BBS9: variants seen among roughly 807,000 people sequenced by gnomAD.
The protein encoded by BBS9 is Bardet-Biedl syndrome 9, also known as protein PTHB1.
In BBS9, 89 loss-of-function variants were observed where a neutral mutation model predicts 117.7. The ratio of observed to expected loss-of-function variants is 0.76; its 90% CI spans 0.64 to 0.90. The LOEUF (loss-of-function observed/expected upper bound fraction) is 0.90, where lower values mean the gene tolerates loss of function less well. BBS9 is among the 40% of genes least tolerant of loss of function. The pLI, the probability that BBS9 is intolerant of heterozygous loss-of-function variation, is 0.00. For missense variants in BBS9, 982 were observed against 1,042.2 expected, an observed-to-expected ratio of 0.94 and a Z score of 0.80; for synonymous variants, 379 against 370.9, an observed-to-expected ratio of 1.02 and a Z score of -0.25.
chr7:33,244,516 G>C (rs1328605527), intron 5 of BBS9, among the ~76,000 whole-genome samples: 1 of 152,054 alleles, frequency 6.6e-6, no homozygotes, highest in Non-Finnish European at 1.5e-5. Flanking sequence ...GATATCCAAG[G>C]TATAAATAAG....
intron 21 of BBS9, among the ~76,000 whole-genome samples, chr7:33,551,169 T>C (rs755140189): frequency 6.6e-6 from 1 of 152,110 alleles, no homozygotes; most frequent in African/African-American, 2.4e-5. Context: ...GTGACTGCAG[T>C]TGTAAAATAA....
rs151330789 is a variant in BBS9, at chr7:33,624,105, G to A, written c.2522-11072G>A. Among the ~76,000 whole-genome samples the A allele has an allele frequency of 5.7e-4, 86 of 152,096 alleles. 1 individual carries two copies. In the East Asian group the frequency reaches 0.016, roughly 28 times the overall value. On this transcript the variant is annotated intron_variant, in intron 21 of 21. Transcript: ENST00000671952. ...TCCCTCATGATTCTGATAAATTTCA[G>A]CCCTTGAGAGAGATGTGCCCAATTT...
At chr7:33,142,789 A>G (rs1003988353) in intron 1 of BBS9, among the ~76,000 whole-genome samples, 2 of 152,124 alleles carry the variant, frequency 1.3e-5, no homozygotes, top group African/African-American at 2.4e-5. Context: ...ATTCCATTGT[A>G]TGGGTATACC....
chr7:33,441,559 G>T (rs984018864), intron 19 of BBS9, among the ~76,000 whole-genome samples: 6 of 152,036 alleles, frequency 3.9e-5, no homozygotes, highest in African/African-American at 1.4e-4. Context: ...TCTTTAGAAT[G>T]TTCTTTCTGA....
At chr7:33,313,865 T>A (rs1250170227) in intron 9 of BBS9, among the ~76,000 whole-genome samples, 1 of 152,160 alleles carries the variant, frequency 6.6e-6, no homozygotes, top group African/African-American at 2.4e-5. Flanking sequence ...TTTAAAAATG[T>A]CTACTCTTGA....
chr7:33,545,864 C>T (rs1853247026), intron 21 of BBS9, among the ~76,000 whole-genome samples: 1 of 149,614 alleles, frequency 6.7e-6, no homozygotes, highest in Non-Finnish European at 1.5e-5. Flanking sequence ...TTTTTCTTTG[C>T]ATATGTGTAC....
intron 21 of BBS9, among the ~76,000 whole-genome samples, chr7:33,618,788 C>G (rs1865267518): frequency 6.6e-6 from 1 of 152,000 alleles, no homozygotes; most frequent in Non-Finnish European, 1.5e-5. Context: ...TTAAAATAGA[C>G]TTATAACTAT....
At chr7:33,557,961 T>A (rs901566283) in intron 21 of BBS9, among the ~76,000 whole-genome samples, 1 of 152,254 alleles carries the variant, frequency 6.6e-6, no homozygotes, top group Non-Finnish European at 1.5e-5. Flanking sequence ...GCCTTGCTAG[T>A]AGCTTACGTA....
At chr7:33,535,733 C>T (rs1391807636) in intron 21 of BBS9, among the ~76,000 whole-genome samples, 2 of 152,014 alleles carry the variant, frequency 1.3e-5, no homozygotes, top group Non-Finnish European at 2.9e-5. Flanking sequence ...GACTCTCCCT[C>T]CCTGCTTGCC....
At chr7:33,214,450 A>G (rs1788653243) in intron 5 of BBS9, among the ~76,000 whole-genome samples, 1 of 152,188 alleles carries the variant, frequency 6.6e-6, no homozygotes, top group African/African-American at 2.4e-5. Flanking sequence ...TGTGATATGA[A>G]GTTAAAACTA....
chr7:33,411,700 A>C (rs754306986), intron 19 of BBS9, among the ~76,000 whole-genome samples: 22 of 152,146 alleles, frequency 1.4e-4, no homozygotes, highest in African/African-American at 5.1e-4. Flanking sequence ...ATATGTAAGA[A>C]TATTTGGGGA....
chr7:33,579,748 A>G (rs1426873287), intron 21 of BBS9, among the ~76,000 whole-genome samples: 1 of 152,132 alleles, frequency 6.6e-6, no homozygotes, highest in Non-Finnish European at 1.5e-5. Flanking sequence ...TTAGAGAATT[A>G]CCCAATTCCC....
chr7:33,154,146 G>A (rs1275762647), intron 3 of BBS9, among the ~76,000 whole-genome samples: 2 of 151,806 alleles, frequency 1.3e-5, no homozygotes, highest in Admixed American at 6.6e-5. Flanking sequence ...GAATGTCCAG[G>A]GTACATATAC....
intron 21 of BBS9, among the ~76,000 whole-genome samples, chr7:33,535,025 G>C (rs376638831): frequency 4.6e-5 from 7 of 152,126 alleles, no homozygotes; most frequent in Admixed American, 2.0e-4. Context: ...TAGTCTTGCT[G>C]TTGCTTCCTT....
At chr7:33,129,307 G>C, upstream of BBS9, 1 of 551,208 alleles carries the variant, frequency 1.8e-6, no homozygotes, top group Non-Finnish European at 3.2e-6. Flanking sequence ...CCTGCCCCCG[G>C]AGCCCAGGCA....
intron 20 of BBS9, among the ~76,000 whole-genome samples, chr7:33,512,162 A>G (rs1847066213): frequency 6.6e-6 from 1 of 152,176 alleles, no homozygotes; most frequent in Admixed American, 6.5e-5. Flanking sequence ...TGCAACTGAT[A>G]TTACTTAATT....
chr7:33,565,875 T>A (rs1308843535), intron 21 of BBS9, among the ~76,000 whole-genome samples: 2 of 140,348 alleles, frequency 1.4e-5, no homozygotes, highest in African/African-American at 5.2e-5. Context: ...TATATAGCTA[T>A]AAATAAATTA....
At chr7:33,599,568 C>G (rs1863470400) in intron 21 of BBS9, among the ~76,000 whole-genome samples, 1 of 152,108 alleles carries the variant, frequency 6.6e-6, no homozygotes, top group Non-Finnish European at 1.5e-5. Context: ...TGATTGTCAG[C>G]AATTCAGTCA....
At chr7:33,488,486 G>C (rs1301414505) in intron 19 of BBS9, among the ~76,000 whole-genome samples, 1 of 152,146 alleles carries the variant, frequency 6.6e-6, no homozygotes, top group Non-Finnish European at 1.5e-5. Context: ...GTTAGCCCTG[G>C]TTCCAGTACT....
Sources: allele counts gnomAD v4.1 joint callset (sites outside exome capture counted in the v4.1 genomes callset), GRCh38; gene constraint gnomAD v4.1.1; transcripts MANE v1.5; gene names NCBI Gene and HGNC (gene_info 2026-07-23, HGNC 2026-07-21).